The following ZDHHC14 variants were observed in gnomAD, a reference collection of about 807,000 sequenced individuals.
ZDHHC14 encodes the protein zDHHC palmitoyltransferase 14.
ZDHHC14 carries 16 observed loss-of-function variants against 47.7 expected under a neutral mutation model. The observed-to-expected ratio is 0.34, with a 90% CI of 0.23 to 0.51. ZDHHC14 has a LOEUF of 0.51. Among genes scored for constraint, ZDHHC14 ranks in the 20% least tolerant of loss-of-function variants. The pLI is 0.97. For missense variants in ZDHHC14, 515 were observed against 662.5 expected (o/e 0.78, Z 2.44); for synonymous variants, 293 against 278.9 (o/e 1.05, Z -0.50).
intron 1 of ZDHHC14, among the ~76,000 whole-genome samples, chr6:157,522,967 T>TCC (rs1562461013): frequency 1.6e-3 from 25 of 15,276 alleles, no homozygotes; most frequent in African/African-American, 4.5e-3. Flanking sequence ...CCTTCTTTCT[T>TCC]TTCTTTTCTT....
intron 3 of ZDHHC14, among the ~76,000 whole-genome samples, chr6:157,614,276 G>A (rs1008447002): frequency 6.6e-6 from 1 of 151,838 alleles, no homozygotes; most frequent in Admixed American, 6.6e-5. Flanking sequence ...TTCACTCACA[G>A]CTGCTCACAA....
At chr6:157,622,786 C>T (rs949725081) in intron 3 of ZDHHC14, among the ~76,000 whole-genome samples, 5 of 152,070 alleles carry the variant, frequency 3.3e-5, no homozygotes, top group South Asian at 4.2e-4. Flanking sequence ...ATGTTTTGCC[C>T]GCGTTTGCCA....
intron 3 of ZDHHC14, among the ~76,000 whole-genome samples, chr6:157,616,356 G>A (rs1346517049): frequency 6.6e-6 from 1 of 152,224 alleles, no homozygotes; most frequent in Non-Finnish European, 1.5e-5. Context: ...GCAAAGAAGA[G>A]GCAGCTTGTG....
Position 157,635,795 on chromosome 6 carries a change from C to T in ZDHHC14, c.752+2913C>T, listed in dbSNP as rs528402399. Among the ~76,000 whole-genome samples the T allele has an allele frequency of 5.3e-5, 8 of 152,196 alleles. No homozygotes were observed. In the South Asian group the frequency reaches 6.2e-4, roughly 12 times the overall value. On this transcript the variant is annotated intron_variant, in intron 5 of 8. Transcript: ENST00000359775. Reference sequence around the variant, plus strand: ...CCGGAGCCTGCAGCGGGAAGGAGTGCGGGAAGGGAAGGGAGGAAAAGAGAT... The same window carrying T: ...CCGGAGCCTGCAGCGGGAAGGAGTGTGGGAAGGGAAGGGAGGAAAAGAGAT...
At chr6:157,436,223 A>AAAATGGAGATAATGAAGGTGC (rs1778437218) in intron 1 of ZDHHC14, among the ~76,000 whole-genome samples, 1 of 152,154 alleles carries the variant, frequency 6.6e-6, no homozygotes, top group African/African-American at 2.4e-5. Flanking sequence ...CCTTATTTGT[A>AAAATGGAGATAATGAAGGTGC]AAATGGAGAT....
At chr6:157,634,755 G>A (rs143842027) in intron 5 of ZDHHC14, among the ~76,000 whole-genome samples, 6,437 of 152,310 alleles carry the variant, frequency 0.042, 463 homozygotes, top group African/African-American at 0.14. Flanking sequence ...AACCCTGTGC[G>A]TGTGCAGGAG....
intron 1 of ZDHHC14, among the ~76,000 whole-genome samples, chr6:157,496,261 A>C (rs1464281173): frequency 6.6e-6 from 1 of 151,926 alleles, no homozygotes; most frequent in Non-Finnish European, 1.5e-5. Flanking sequence ...CCACCAGTTC[A>C]CTAGGACTGT....
chr6:157,670,468 AT>A (rs1309655293), intron 8 of ZDHHC14, among the ~76,000 whole-genome samples: 2 of 151,828 alleles, frequency 1.3e-5, no homozygotes, highest in Non-Finnish European at 2.9e-5. Context: ...TAATTTTTGT[AT>A]TTTTTGTAGA....
intron 2 of ZDHHC14, among the ~76,000 whole-genome samples, chr6:157,565,883 C>T (rs139392235): frequency 2.0e-5 from 3 of 152,072 alleles, no homozygotes; most frequent in Non-Finnish European, 4.4e-5. Flanking sequence ...ACCTCTCTCT[C>T]CAGCCCCCTG....
chr6:157,574,529 A>G (rs1783226391), intron 2 of ZDHHC14, among the ~76,000 whole-genome samples: 1 of 152,094 alleles, frequency 6.6e-6, no homozygotes, highest in African/African-American at 2.4e-5. Context: ...GTAGTTGCTC[A>G]TGGTCAATAC....
At chr6:157,453,773 A>G (rs959479856) in intron 1 of ZDHHC14, among the ~76,000 whole-genome samples, 3 of 119,212 alleles carry the variant, frequency 2.5e-5, no homozygotes, top group South Asian at 5.1e-4. Flanking sequence ...TTCTAAGGCC[A>G]TTGTTTTTTG....
chr6:157,647,413 C>G (rs1777612275), intron 7 of ZDHHC14, 45 bp downstream of exon 7: 3 of 1,510,760 alleles, frequency 2.0e-6, no homozygotes, highest in Non-Finnish European at 1.8e-6. Flanking sequence ...CCTTGGAAAA[C>G]CGAATGCCTC....
rs775910394 is a variant in ZDHHC14, at chr6:157,562,313, G to C, written c.406+19568G>C. On this transcript the variant is annotated intron_variant, in intron 2 of 8. Transcript: ENST00000359775. ...AGGGATGCCCAACTGGGGTTTAGCC[G>C]TGAGAACAGCTGGTGCAGCCTCAGA... 2.4e-4 allele frequency among the ~76,000 whole-genome samples: 37 copies of C among 152,312 alleles called. No homozygotes were observed. The South Asian group carries it at 6.4e-3, about 26-fold the overall frequency.
rs577148422 is a variant in ZDHHC14 at position 157,534,828 on chromosome 6, C to T, written c.246-7757C>T. ...CTGGTCTCAAACTCCTGAGCTCAAG[C>T]AATCTGCCCACCTCAGCCTCCCAAA... On this transcript the variant is annotated intron_variant, in intron 1 of 8. Transcript: ENST00000359775. Among the ~76,000 whole-genome samples the T allele has an allele frequency of 1.0e-3, 155 of 152,150 alleles. 2 individuals are homozygous for T. The highest frequency in any genetic ancestry group is 3.5e-3 in the African/African-American group (147 of 41,524).
chr6:157,672,979 G>T lies in ZDHHC14; in HGVS notation c.1324G>T (p.Asp442Tyr), dbSNP rs539667085. 30 of 1,594,570 alleles carry T rather than the reference G, an allele frequency of 1.9e-5. No individual in the cohort carries two copies. Among genetic ancestry groups the T allele is most frequent in the Non-Finnish European group, 2.3e-5 (27 of 1,174,448 alleles). ...CATGGGCCACCAGTTCCTGACGCCCGATGAGGCGCCCTCGCCCCCCAGGCT... is the reference window on the plus strand; with the variant it reads ...CATGGGCCACCAGTTCCTGACGCCCTATGAGGCGCCCTCGCCCCCCAGGCT... ...EHMGHQFLTP[D>Y]EAPSPPRLLA... Residue 442 changes from aspartate (D) to tyrosine (Y), a missense_variant, in exon 9 of 9, where the codon GAT (aspartate) becomes TAT (tyrosine). Asp to Tyr is a radical substitution (Grantham distance 160). This residue lies in a region of ZDHHC14 where 221 missense variants were observed against 233.6 expected (regional missense o/e 0.95). Transcript: ENST00000359775.
At chr6:157,562,068 C>A (rs939354731) in intron 2 of ZDHHC14, among the ~76,000 whole-genome samples, 1 of 152,172 alleles carries the variant, frequency 6.6e-6, no homozygotes, top group Non-Finnish European at 1.5e-5. Context: ...ACTCACACAG[C>A]TTTTCACAGG....
chr6:157,598,994 T>G (rs1196961035), intron 3 of ZDHHC14, among the ~76,000 whole-genome samples: 6 of 152,232 alleles, frequency 3.9e-5, no homozygotes, highest in Non-Finnish European at 5.9e-5. Flanking sequence ...AAAAAAACTT[T>G]AAAAAACTTT....
At chr6:157,550,219 CAT>C (rs906782645) in intron 2 of ZDHHC14, among the ~76,000 whole-genome samples, 2 of 152,246 alleles carry the variant, frequency 1.3e-5, no homozygotes, top group Non-Finnish European at 2.9e-5. Context: ...CACAGCATCA[CAT>C]AGTCATTCTA....
intron 7 of ZDHHC14, among the ~76,000 whole-genome samples, chr6:157,648,692 G>C (rs1345475537): frequency 1.3e-5 from 2 of 152,230 alleles, no homozygotes; most frequent in African/African-American, 2.4e-5. Flanking sequence ...ACAGGGGTCA[G>C]ACATGCCTGG....
Sources: allele counts gnomAD v4.1 joint callset (sites outside exome capture counted in the v4.1 genomes callset), GRCh38; gene constraint gnomAD v4.1.1; regional missense constraint gnomAD v4.1.1; transcripts MANE v1.5; gene names NCBI Gene and HGNC (gene_info 2026-07-23, HGNC 2026-07-21).